The following SPIRE1 variants were observed in gnomAD, a reference collection of about 807,000 sequenced individuals.
SPIRE1 encodes spire type actin nucleation factor 1.
SPIRE1 carries 40 observed loss-of-function variants against 94.1 expected under a neutral mutation model. The ratio of observed to expected loss-of-function variants is 0.43; its 90% CI spans 0.33 to 0.55. The LOEUF is 0.55. Ranked by LOEUF, SPIRE1 falls within the 20% of genes least tolerant of loss-of-function variation. The probability of loss-of-function intolerance (pLI) is 0.06; values close to 1 mark genes in which losing one functional copy is unlikely to be tolerated. For missense variants in SPIRE1, 838 were observed against 975.2 expected (o/e 0.86, Z 1.87); for synonymous variants, 376 against 371.7 (o/e 1.01, Z -0.13).
At chr18:12,519,492 C>T (rs561501801) in intron 4 of SPIRE1, among the ~76,000 whole-genome samples, 7 of 152,278 alleles carry the variant, frequency 4.6e-5, no homozygotes, top group Non-Finnish European at 8.8e-5. Flanking sequence ...ACACATTCAC[C>T]TTTTCTGTTT....
At position 12,559,178 on chromosome 18, in the gene SPIRE1, T is replaced by TGGGGA. The variant is rs2035611008; in HGVS notation, c.373-12275_373-12274insTCCCC. ...TCCATCTGCTTAGGAGCCCACGGGG[T>TGGGGA]GGGGTGGGGTGGGGGGGCGCCGGCA... On this transcript the variant is annotated intron_variant, in intron 2 of 16. Transcript: ENST00000409402. This position sits in a 1 kb window ranked among gnomAD's most constrained non-coding sequence, Gnocchi z 4.7. Among the ~76,000 whole-genome samples, 1 of 13,718 alleles carries TGGGGA rather than the reference T, an allele frequency of 7.3e-5. No homozygotes were observed. Among genetic ancestry groups the TGGGGA allele is most frequent in the Non-Finnish European group, 1.9e-4 (1 of 5,380 alleles). 9.0% of individuals were successfully genotyped at this position (13,718 alleles called of 152,430 possible). A position where few individuals can be genotyped will look rare whatever the true frequency, so the allele number is the denominator to read the frequency against.
intron 12 of SPIRE1, among the ~76,000 whole-genome samples, chr18:12,462,385 G>A (rs1482237243): frequency 6.6e-6 from 1 of 152,170 alleles, no homozygotes; most frequent in Non-Finnish European, 1.5e-5. Flanking sequence ...ATATTTGACT[G>A]TGGGTAGAAT....
chr18:12,541,338 T>A (rs1295614715), intron 3 of SPIRE1, among the ~76,000 whole-genome samples: 2 of 152,194 alleles, frequency 1.3e-5, no homozygotes, highest in Non-Finnish European at 2.9e-5. Context: ...GCATGTCCTA[T>A]TAAGTCAGGT....
chr18:12,540,075 G>A (rs1417852331), intron 3 of SPIRE1, among the ~76,000 whole-genome samples: 2 of 152,088 alleles, frequency 1.3e-5, no homozygotes, highest in East Asian at 3.8e-4. Flanking sequence ...ATTGGAGTGA[G>A]CCATGCACAG....
Position 12,560,072 on chromosome 18 carries a change from C to T in SPIRE1, c.373-13168G>A, listed in dbSNP as rs185623762. On this transcript the variant is annotated intron_variant, in intron 2 of 16. Transcript: ENST00000409402. ...TCATTCCAGTTAAAATGGCTTCTATCTAAAAGGCAATAACAAATGCTGGTG... is the reference window on the plus strand; with the variant it reads ...TCATTCCAGTTAAAATGGCTTCTATTTAAAAGGCAATAACAAATGCTGGTG... Among the ~76,000 whole-genome samples the T allele has an allele frequency of 3.3e-5, 5 of 152,272 alleles. No homozygotes were observed. The East Asian group carries it at 7.7e-4, about 23-fold the overall frequency.
intron 8 of SPIRE1, among the ~76,000 whole-genome samples, chr18:12,487,710 A>G (rs1308949322): frequency 6.6e-6 from 1 of 152,116 alleles, no homozygotes. Flanking sequence ...CTTAAAAATG[A>G]AATTATTATT....
intron 2 of SPIRE1, among the ~76,000 whole-genome samples, chr18:12,605,381 C>T (rs1170801433): frequency 6.6e-6 from 1 of 152,160 alleles, no homozygotes; most frequent in African/African-American, 2.4e-5. Flanking sequence ...TGGCACGCAC[C>T]TGTAGTCCCA....
At chr18:12,640,391 C>T (rs1365133832) in intron 1 of SPIRE1, among the ~76,000 whole-genome samples, 1 of 152,158 alleles carries the variant, frequency 6.6e-6, no homozygotes, top group Non-Finnish European at 1.5e-5. Context: ...CCAATGAATA[C>T]ACCCTGCTCT....
chr18:12,627,369 T>C (rs560037538), intron 2 of SPIRE1, among the ~76,000 whole-genome samples: 2 of 152,340 alleles, frequency 1.3e-5, no homozygotes, highest in African/African-American at 2.4e-5. Context: ...GCTTCATCTA[T>C]GTCCCTGCAA....
At chr18:12,657,357 G>A (rs796271557) in intron 1 of SPIRE1, among the ~76,000 whole-genome samples, 173 bp downstream of exon 1, 12 of 152,318 alleles carry the variant, frequency 7.9e-5, no homozygotes, top group African/African-American at 2.9e-4. Flanking sequence ...GCCCCGGCCA[G>A]CCACGGCCTG....
chr18:12,590,390 G>A (rs914388187), intron 2 of SPIRE1, among the ~76,000 whole-genome samples: 4 of 151,906 alleles, frequency 2.6e-5, no homozygotes, highest in South Asian at 4.1e-4. Flanking sequence ...GTGCCTGGCC[G>A]CATCTCCTAA....
upstream of SPIRE1, chr18:12,658,379 C>T (rs959964051): frequency 3.2e-5 from 13 of 402,802 alleles, no homozygotes; most frequent in East Asian, 7.8e-4. Context: ...AGGGGATGCG[C>T]GGCCGGGTAG....
At chr18:12,625,854 C>T (rs1316597227) in intron 2 of SPIRE1, among the ~76,000 whole-genome samples, 1 of 152,120 alleles carries the variant, frequency 6.6e-6, no homozygotes, top group Non-Finnish European at 1.5e-5. Flanking sequence ...ATCAGCCTGG[C>T]CAACATGGTG....
chr18:12,512,907 A>G (rs2034082741), intron 4 of SPIRE1, among the ~76,000 whole-genome samples: 2 of 151,120 alleles, frequency 1.3e-5, no homozygotes, highest in African/African-American at 4.9e-5. Flanking sequence ...TCCTCACCCC[A>G]TGGCTGGTCT....
chr18:12,549,059 C>T (rs1241656836), intron 2 of SPIRE1, among the ~76,000 whole-genome samples: 3 of 152,202 alleles, frequency 2.0e-5, no homozygotes, highest in Non-Finnish European at 4.4e-5. Context: ...TTCAGTGCTT[C>T]CCTGGCACAG....
intron 8 of SPIRE1, 118 bp downstream of exon 8, chr18:12,492,954 G>A (rs781675768): frequency 2.3e-5 from 27 of 1,190,364 alleles, no homozygotes; most frequent in Non-Finnish European, 2.9e-5. Context: ...GAACAAGTGA[G>A]TGAGATACAG....
chr18:12,462,746 T>C (rs1598893952), intron 12 of SPIRE1, among the ~76,000 whole-genome samples: 1 of 152,312 alleles, frequency 6.6e-6, no homozygotes, highest in East Asian at 1.9e-4. Context: ...AGAGTTTTTT[T>C]GGTCAATTTT....
chr18:12,570,818 T>C (rs2035943390), intron 2 of SPIRE1, among the ~76,000 whole-genome samples: 1 of 152,162 alleles, frequency 6.6e-6, no homozygotes, highest in African/African-American at 2.4e-5. Flanking sequence ...AATCATCAGA[T>C]AACACACCAA....
chr18:12,466,278 G>T (rs1035859091), intron 10 of SPIRE1, among the ~76,000 whole-genome samples: 2 of 151,570 alleles, frequency 1.3e-5, no homozygotes, highest in Non-Finnish European at 2.9e-5. Flanking sequence ...AGTATCTATA[G>T]ATATATATAT....
Sources: gnomAD v4.1 joint callset for allele counts (sites outside exome capture counted in the v4.1 genomes callset) on GRCh38, gnomAD v4.1.1 for gene constraint, Gnocchi (gnomAD v3.1) non-coding constraint, MANE v1.5 for transcripts, NCBI Gene and HGNC (gene_info 2026-07-23, HGNC 2026-07-21) for gene names.